KATNAL2: variants seen among roughly 807,000 people sequenced by gnomAD.
The protein encoded by KATNAL2 is katanin catalytic subunit A1 like 2.
In KATNAL2, 52 loss-of-function variants were observed where a neutral mutation model predicts 76.3. The ratio of observed to expected loss-of-function variants is 0.68; its 90% CI spans 0.55 to 0.86. The LOEUF is 0.86. Among genes scored for constraint, KATNAL2 ranks in the 40% least tolerant of loss-of-function variants. KATNAL2 has a pLI of 0.00. For synonymous variants in KATNAL2, 243 were observed against 244.2 expected (o/e 1.00, Z 0.05); for missense variants, 660 against 668.9 (o/e 0.99, Z 0.15).
At chr18:47,055,741 G>A (rs903375047) in intron 6 of KATNAL2, among the ~76,000 whole-genome samples, 12 of 152,200 alleles carry the variant, frequency 7.9e-5, no homozygotes, top group African/African-American at 2.9e-4. Context: ...AAGGCTTTTG[G>A]ATTCTATTTT....
chr18:46,957,932 G>A (rs913301201), intron 3 of KATNAL2, among the ~76,000 whole-genome samples: 12 of 151,890 alleles, frequency 7.9e-5, no homozygotes, highest in Admixed American at 5.2e-4. Context: ...TCCTGACCTC[G>A]TGATCCATCT....
At chr18:47,093,883 A>T (rs1826572544) in intron 15 of KATNAL2, among the ~76,000 whole-genome samples, 1 of 151,998 alleles carries the variant, frequency 6.6e-6, no homozygotes, top group Non-Finnish European at 1.5e-5. Context: ...TTGTGTTTTT[A>T]ATTTCTTCTA....
At chr18:46,950,895 G>A (rs1360789777) in intron 3 of KATNAL2, among the ~76,000 whole-genome samples, 2 of 152,134 alleles carry the variant, frequency 1.3e-5, no homozygotes, top group East Asian at 1.9e-4. Flanking sequence ...TGTTGGCCGG[G>A]CTGGTCTCGA....
At chr18:47,077,799 A>G (rs1207137542) in intron 15 of KATNAL2, among the ~76,000 whole-genome samples, 1 of 152,240 alleles carries the variant, frequency 6.6e-6, no homozygotes, top group Admixed American at 6.5e-5. Flanking sequence ...AATATTCCAG[A>G]AATAATATGT....
chr18:46,924,908 CT>C (rs2146506681), intron 1 of KATNAL2, among the ~76,000 whole-genome samples: 1 of 152,268 alleles, frequency 6.6e-6, no homozygotes, highest in East Asian at 1.9e-4. Flanking sequence ...TATAAGAATG[CT>C]TGCGATTTTT....
chr18:46,928,612 C>G (rs904908625), intron 1 of KATNAL2, among the ~76,000 whole-genome samples: 2 of 152,120 alleles, frequency 1.3e-5, no homozygotes, highest in Non-Finnish European at 2.9e-5. Context: ...CTTCAAAGCT[C>G]AGTTGGAAAT....
chr18:47,033,344 T>G lies in KATNAL2; in HGVS notation c.52-13113T>G, dbSNP rs765227696. ...TTGGCCACAGATTTGAAACAGATCA[T>G]CTTTGCCTCTCTGCCGTTGGGGTTG... is the stretch of plus-strand genomic sequence containing the variant. On this transcript the variant is annotated intron_variant, in intron 3 of 17. Transcript: ENST00000683218. The G allele has an allele frequency of 8.1e-6, 13 of 1,613,978 alleles. No individual in the cohort carries two copies. Among genetic ancestry groups the G allele is most frequent in the African/African-American group, 8.0e-5 (6 of 75,048 alleles).
Position 47,069,597 on chromosome 18 carries a change from T to A in KATNAL2, c.1005T>A (p.Val335=). 1.2e-6 allele frequency: 2 copies of A among 1,603,518 alleles called. No individual in the cohort carries two copies. Among genetic ancestry groups the A allele is most frequent in the Non-Finnish European group, 1.7e-6 (2 of 1,171,052 alleles). The change falls in exon 13 of 18, where the codon GTT becomes GTA. Residue 335 remains valine, a synonymous_variant. Coordinates refer to ENST00000683218, the MANE Select transcript of KATNAL2 (RefSeq NM_001387690.1). The part of the protein sequence containing the change: ...SKWRGDSEKL[V]RVLFELARYH... ...GGAGAGGGGATTCAGAAAAACTCGT[T>A]CGGGTAGGAATTCTTAATTTTGTTT...
intron 6 of KATNAL2, 24 bp from the exon 7 acceptor site, chr18:47,058,211 C>T (rs1252492582): frequency 2.1e-6 from 3 of 1,460,402 alleles, no homozygotes; most frequent in Non-Finnish European, 2.9e-6. Context: ...TAATTTCTTC[C>T]AAGGTCTTTG....
intron 6 of KATNAL2, among the ~76,000 whole-genome samples, chr18:47,055,777 C>T (rs2576039): frequency 0.45 from 68,614 of 152,092 alleles, 15,399 homozygotes; most frequent in Admixed American, 0.54. Context: ...GCATTCTTCC[C>T]TGGCAAATGC....
chr18:46,957,562 T>G (rs1268580977), intron 3 of KATNAL2, among the ~76,000 whole-genome samples: 1 of 118,572 alleles, frequency 8.4e-6, no homozygotes, highest in African/African-American at 3.3e-5. Context: ...CCTTTTTTTT[T>G]TTTTTTTTTT....
At chr18:47,100,215 C>A in intron 16 of KATNAL2, 39 bp from the exon 17 acceptor site, 1 of 1,453,742 alleles carries the variant, frequency 6.9e-7, no homozygotes, top group Non-Finnish European at 9.7e-7. Flanking sequence ...CAGGAGCATT[C>A]TGCCCACTGA....
intron 3 of KATNAL2, among the ~76,000 whole-genome samples, chr18:47,030,563 A>C (rs2117374): frequency 1.7e-3 from 15 of 8,954 alleles, no homozygotes; most frequent in Admixed American, 4.5e-3. Flanking sequence ...AAAGAGGAAA[A>C]AGGCGTATTT....
At chr18:47,048,717 C>G (rs867801180) in intron 4 of KATNAL2, among the ~76,000 whole-genome samples, 1 of 152,066 alleles carries the variant, frequency 6.6e-6, no homozygotes, top group African/African-American at 2.4e-5. Flanking sequence ...TAAAGTAACC[C>G]CAAGGGTAGC....
intron 3 of KATNAL2, chr18:47,033,903 C>T: frequency 6.2e-7 from 1 of 1,613,326 alleles, no homozygotes; most frequent in South Asian, 1.1e-5. Context: ...CATGGCTGGG[C>T]ACCGTTTTCG....
intron 1 of KATNAL2, among the ~76,000 whole-genome samples, chr18:46,935,979 G>T (rs937614733): frequency 3.3e-5 from 5 of 152,104 alleles, no homozygotes; most frequent in Non-Finnish European, 5.9e-5. Flanking sequence ...AATATCTGTT[G>T]AGGATGCCAT....
At chr18:47,100,425 GC>G in intron 17 of KATNAL2, 69 bp downstream of exon 17, 8 of 1,274,026 alleles carry the variant, frequency 6.3e-6, no homozygotes, top group Non-Finnish European at 9.0e-6. Flanking sequence ...AGCAGATGGA[GC>G]CTGGCGCCTG....
At chr18:46,931,289 G>A (rs1395726558) in intron 1 of KATNAL2, among the ~76,000 whole-genome samples, 2 of 151,024 alleles carry the variant, frequency 1.3e-5, no homozygotes, top group African/African-American at 4.9e-5. Context: ...AACAGAGTGA[G>A]ATTCCGTCTC....
At chr18:46,954,812 T>C (rs1226125153) in intron 3 of KATNAL2, among the ~76,000 whole-genome samples, 1 of 151,862 alleles carries the variant, frequency 6.6e-6, no homozygotes, top group Non-Finnish European at 1.5e-5. Flanking sequence ...CCTGGCTAAT[T>C]TTCGTATTTT....
Sources: gnomAD v4.1 joint callset for allele counts (sites outside exome capture counted in the v4.1 genomes callset) on GRCh38, gnomAD v4.1.1 for gene constraint, MANE v1.5 for transcripts, NCBI Gene and HGNC (gene_info 2026-07-23, HGNC 2026-07-21) for gene names.